Variants in SEMA3E observed in about 807,000 individuals in gnomAD.
SEMA3E encodes the protein semaphorin-3E.
A neutral mutation model predicts 93.6 loss-of-function variants in SEMA3E; 49 were observed. The observed-to-expected ratio is 0.52, with a 90% CI of 0.42 to 0.66. The LOEUF (loss-of-function observed/expected upper bound fraction) is 0.66. SEMA3E is among the 30% of genes least tolerant of loss of function. The pLI is 0.00. For synonymous variants in SEMA3E, 363 were observed against 330.7 expected, an observed-to-expected ratio of 1.10 and a Z score of -1.06; for missense variants, 906 against 964.8, an observed-to-expected ratio of 0.94 and a Z score of 0.81.
At chr7:83,538,265 A>G (rs1791446296) in intron 1 of SEMA3E, among the ~76,000 whole-genome samples, 1 of 152,178 alleles carries the variant, frequency 6.6e-6, no homozygotes, top group Admixed American at 6.5e-5. Context: ...AGGACCTGCC[A>G]GACTATTTTT....
intron 1 of SEMA3E, among the ~76,000 whole-genome samples, chr7:83,589,998 T>C (rs1189717201): frequency 6.6e-6 from 1 of 152,186 alleles, no homozygotes; most frequent in Non-Finnish European, 1.5e-5. Flanking sequence ...CATAGCATAC[T>C]ATCTGAAATT....
At chr7:83,456,478 C>T (rs959327890) in intron 4 of SEMA3E, among the ~76,000 whole-genome samples, 2 of 152,044 alleles carry the variant, frequency 1.3e-5, no homozygotes, top group Admixed American at 6.6e-5. Context: ...TCATCAACAA[C>T]GCCTGTAGCA....
chr7:83,603,878 A>G (rs1793049344), intron 1 of SEMA3E, among the ~76,000 whole-genome samples: 1 of 152,120 alleles, frequency 6.6e-6, no homozygotes, highest in Non-Finnish European at 1.5e-5. Context: ...TTTTCATTGG[A>G]CTTGGCTACT....
At chr7:83,594,540 A>G (rs1170926113) in intron 1 of SEMA3E, among the ~76,000 whole-genome samples, 4 of 152,110 alleles carry the variant, frequency 2.6e-5, no homozygotes, top group Admixed American at 2.0e-4. Flanking sequence ...TGCTGTAGAG[A>G]GGATGAGCGC....
At chr7:83,371,999 T>C (rs543926535) in intron 16 of SEMA3E, 3 of 333,210 alleles carry the variant, frequency 9.0e-6, no homozygotes, top group East Asian at 9.0e-5. Context: ...TCTTCAAACA[T>C]ATAAGTTTTT....
intron 1 of SEMA3E, among the ~76,000 whole-genome samples, chr7:83,599,947 C>T (rs1792949969): frequency 1.3e-5 from 2 of 152,126 alleles, no homozygotes; most frequent in African/African-American, 4.8e-5. Flanking sequence ...CTTTTCTACA[C>T]AAAAATACAT....
At chr7:83,445,849 G>A (rs1789217068) in intron 4 of SEMA3E, among the ~76,000 whole-genome samples, 2 of 151,956 alleles carry the variant, frequency 1.3e-5, no homozygotes, top group Admixed American at 6.6e-5. Context: ...AAGAGAGAGG[G>A]AAGTTATGGA....
rs2255715 is a variant in SEMA3E at position 83,486,148 on chromosome 7, G to C, written c.276+3966C>G. Among the ~76,000 whole-genome samples, 70,638 of 151,852 alleles carry C rather than the reference G, an allele frequency of 0.47. 17,028 individuals are homozygous for C. Among genetic ancestry groups the C allele is most frequent in the South Asian group, 0.64 (3,078 of 4,814 alleles). ...TCCTCCTGCCTCAGCCTTCAGAGTA[G>C]CTGGGACTACAGGCATGTATCATAT... On this transcript the variant is annotated intron_variant, in intron 2 of 16. Coordinates refer to ENST00000643230, the MANE Select transcript of SEMA3E (RefSeq NM_012431.3).
At chr7:83,465,939 T>C (rs1789746332) in intron 4 of SEMA3E, among the ~76,000 whole-genome samples, 1 of 152,180 alleles carries the variant, frequency 6.6e-6, no homozygotes, top group Non-Finnish European at 1.5e-5. Context: ...TATCACCTAG[T>C]GGCAAAGTCT....
rs1794638930 is a variant in SEMA3E at position 83,364,605 on chromosome 7, A to G, written c.*2981T>C. ...TCACGAAGTAAAATCTTTTTTGTTA[A>G]CAAATCTGGATCTCTTGCCCAATGG... On this transcript the variant is annotated 3_prime_UTR_variant, in exon 17 of 17. Transcript: ENST00000643230. 1 of 152,222 alleles carries G rather than the reference A, an allele frequency of 6.6e-6. No individual in the cohort carries two copies. Among genetic ancestry groups the G allele is most frequent in the Admixed American group, 6.5e-5 (1 of 15,286 alleles). The allele number at this position is 152,222 out of a possible 1,614,324, so 9.4% of individuals were successfully genotyped here.
rs1439979943 is a variant in SEMA3E, at chr7:83,570,512, C to CA, written c.115+77915dup. On this transcript the variant is annotated intron_variant, in intron 1 of 16. Coordinates refer to ENST00000643230, the MANE Select transcript of SEMA3E (RefSeq NM_012431.3). The stretch of plus-strand genomic sequence containing the variant: ...AGCTTGCAGTGAGCCGAGATCCCGC[C>CA]ACTGCACTCCAGCCTGGGCGACAGA... Among the ~76,000 whole-genome samples, 15 of 120,336 alleles carry CA rather than the reference C, an allele frequency of 1.2e-4. No individual in the cohort carries two copies. In the South Asian group the frequency reaches 1.5e-3, roughly 12 times the overall value. The allele number at this position is 120,336 out of a possible 152,430, so 78.9% of individuals were successfully genotyped here.
intron 4 of SEMA3E, among the ~76,000 whole-genome samples, chr7:83,450,588 T>G: frequency 6.6e-6 from 1 of 152,120 alleles, no homozygotes; most frequent in East Asian, 1.9e-4. Context: ...TAATAGTGTT[T>G]ATTTTGGGGG....
chr7:83,570,931 C>G (rs1466594336), intron 1 of SEMA3E, among the ~76,000 whole-genome samples: 1 of 151,298 alleles, frequency 6.6e-6, no homozygotes, highest in Non-Finnish European at 1.5e-5. Flanking sequence ...TCTATGCACA[C>G]AAATTAGAAA....
chr7:83,575,220 C>G (rs1200504465), intron 1 of SEMA3E, among the ~76,000 whole-genome samples: 2 of 151,394 alleles, frequency 1.3e-5, no homozygotes, highest in African/African-American at 4.9e-5. Context: ...CCACCTACCC[C>G]CAGTTGAAGG....
intron 1 of SEMA3E, among the ~76,000 whole-genome samples, chr7:83,614,012 G>A (rs181020447): frequency 1.0e-3 from 157 of 152,110 alleles, no homozygotes; most frequent in African/African-American, 3.4e-3. Context: ...CATCAAGTAC[G>A]TGAGGTTGAA....
intron 1 of SEMA3E, among the ~76,000 whole-genome samples, chr7:83,549,014 G>A (rs1056302000): frequency 6.6e-6 from 1 of 151,992 alleles, no homozygotes. Context: ...AAGCCCAAAG[G>A]CCTGGCTACC....
intron 2 of SEMA3E, among the ~76,000 whole-genome samples, chr7:83,485,199 GATAA>G (rs537842726): frequency 5.5e-4 from 83 of 152,230 alleles, no homozygotes; most frequent in Admixed American, 4.7e-3. Context: ...ACATGGAATG[GATAA>G]ATAAATTGTG....
At chr7:83,415,364 A>G (rs539556606) in intron 5 of SEMA3E, among the ~76,000 whole-genome samples, 4 of 152,214 alleles carry the variant, frequency 2.6e-5, no homozygotes, top group South Asian at 2.1e-4. Context: ...TATGCTACCA[A>G]TATAAATTGT....
intron 16 of SEMA3E, among the ~76,000 whole-genome samples, chr7:83,381,547 TTTTC>T (rs539327592): frequency 1.3e-5 from 2 of 151,976 alleles, no homozygotes; most frequent in Admixed American, 6.6e-5. Context: ...CCTTGCATTT[TTTTC>T]TTTATCATTA....
Sources: allele counts gnomAD v4.1 joint callset (sites outside exome capture counted in the v4.1 genomes callset), GRCh38; gene constraint gnomAD v4.1.1; transcripts MANE v1.5; gene names NCBI Gene and HGNC (gene_info 2026-07-23, HGNC 2026-07-21).